CCDC15: variants seen among roughly 807,000 people sequenced by gnomAD.
CCDC15 encodes coiled-coil domain-containing protein 15.
Under a neutral mutation model 114.5 loss-of-function variants are expected in CCDC15, and 105 were observed. That is an observed-to-expected ratio of 0.92 (90% CI 0.78 to 1.08). CCDC15 has a LOEUF of 1.08. Among genes scored for constraint, CCDC15 ranks in the 50% least tolerant of loss-of-function variants. The pLI, the probability that CCDC15 is intolerant of heterozygous loss-of-function variation, is 0.00. For synonymous variants in CCDC15, 334 were observed against 377.8 expected (o/e 0.88, Z 1.34); for missense variants, 1,105 against 1,093.6 (o/e 1.01, Z -0.15).
intron 6 of CCDC15, 42 bp from the exon 7 acceptor site, chr11:124,986,700 T>TGTGCGCGCGCGCGCGC (rs878887902): frequency 1.5e-6 from 2 of 1,298,020 alleles, no homozygotes; most frequent in African/African-American, 3.3e-5. Context: ...TTTGTGTGTG[T>TGTGCGCGCGCGCGCGC]GCGCGCGCGC....
chr11:125,033,974 T>C (rs1397255086), intron 13 of CCDC15, among the ~76,000 whole-genome samples: 1 of 152,192 alleles, frequency 6.6e-6, no homozygotes, highest in Non-Finnish European at 1.5e-5. Flanking sequence ...ATGGCCACAC[T>C]CTGAACCTCA....
chr11:125,022,169 A>G (rs1271343324), intron 13 of CCDC15, among the ~76,000 whole-genome samples: 1 of 151,930 alleles, frequency 6.6e-6, no homozygotes, highest in Non-Finnish European at 1.5e-5. Context: ...GCAAGATGAC[A>G]TATATTTTAA....
At chr11:125,005,441 G>C (rs529703034) in intron 13 of CCDC15, among the ~76,000 whole-genome samples, 2 of 152,132 alleles carry the variant, frequency 1.3e-5, no homozygotes, top group South Asian at 4.2e-4. Flanking sequence ...CAGCAAAATT[G>C]AGCAGAAAGT....
chr11:125,005,252 A>T, intron 13 of CCDC15, 40 bp downstream of exon 13: 1 of 906,484 alleles, frequency 1.1e-6, no homozygotes, highest in African/African-American at 1.7e-5. Context: ...TAAATTGCCA[A>T]TTAAGATGTT....
At chr11:124,958,349 A>C (rs902026563) in intron 2 of CCDC15, among the ~76,000 whole-genome samples, 2 of 149,564 alleles carry the variant, frequency 1.3e-5, no homozygotes, top group South Asian at 2.1e-4. Context: ...CTTAATTAAC[A>C]CTATGAGTTT....
intron 13 of CCDC15, among the ~76,000 whole-genome samples, chr11:125,024,926 C>T (rs1484437109): frequency 6.7e-6 from 1 of 148,622 alleles, no homozygotes; most frequent in Non-Finnish European, 1.5e-5. Flanking sequence ...CTTTATCAGA[C>T]TGAGAAAGTG....
chr11:124,956,620 A>C (rs1947555492), intron 2 of CCDC15, among the ~76,000 whole-genome samples: 3 of 152,212 alleles, frequency 2.0e-5, no homozygotes, highest in Admixed American at 2.0e-4. Context: ...ACACCATCAA[A>C]CTTTTTCTAT....
intron 2 of CCDC15, 37 bp downstream of exon 2, chr11:124,954,946 C>G (rs750630959): frequency 6.3e-7 from 1 of 1,590,804 alleles, no homozygotes; most frequent in African/African-American, 1.3e-5. Flanking sequence ...GTGGGGTTCC[C>G]CACCACCCTT....
intron 10 of CCDC15, 117 bp from the exon 11 acceptor site, chr11:124,993,052 G>T (rs1350191338): frequency 4.7e-6 from 3 of 643,348 alleles, no homozygotes; most frequent in Non-Finnish European, 8.2e-6. Context: ...CTTTAACTGT[G>T]TTCTATTATC....
intron 15 of CCDC15, 25 bp from the exon 16 acceptor site, chr11:125,040,565 T>C (rs1245309012): frequency 2.5e-6 from 4 of 1,586,130 alleles, no homozygotes; most frequent in South Asian, 1.1e-5. Flanking sequence ...ACTTTATTCA[T>C]TGCTGTGCAA....
chr11:124,982,018 A>G (rs73619294), intron 6 of CCDC15, among the ~76,000 whole-genome samples: 2,568 of 152,174 alleles, frequency 0.017, 70 homozygotes, highest in African/African-American at 0.057. Context: ...TTCTTGTTCA[A>G]TTGAGCTTTT....
chr11:125,012,176 G>GTA (rs1355461525), intron 13 of CCDC15, among the ~76,000 whole-genome samples: 1 of 152,146 alleles, frequency 6.6e-6, no homozygotes, highest in African/African-American at 2.4e-5. Context: ...AGGGGCCTGG[G>GTA]TACCTGGAGC....
chr11:125,018,147 A>G (rs537224010), intron 13 of CCDC15, among the ~76,000 whole-genome samples: 1 of 152,260 alleles, frequency 6.6e-6, no homozygotes, highest in Admixed American at 6.5e-5. Context: ...TGACTCACCC[A>G]AAGCATCTTC....
chr11:125,016,761 C>T (rs1948631609), intron 13 of CCDC15, among the ~76,000 whole-genome samples: 1 of 152,192 alleles, frequency 6.6e-6, no homozygotes, highest in South Asian at 2.1e-4. Context: ...TATGTCTAAC[C>T]TAAATCTTCT....
chr11:125,003,822 T>G, intron 11 of CCDC15, 45 bp from the exon 12 acceptor site: 2 of 1,137,966 alleles, frequency 1.8e-6, no homozygotes, highest in Non-Finnish European at 1.3e-6. Context: ...CATGGGGTAG[T>G]TTTTGGTAAT....
chr11:124,997,836 G>A (rs956560644), intron 11 of CCDC15, among the ~76,000 whole-genome samples: 52 of 152,132 alleles, frequency 3.4e-4, no homozygotes, highest in African/African-American at 1.2e-3. Context: ...CAGCTACAGG[G>A]GTGGCTGAGG....
At chr11:124,997,355 A>G (rs1005091788) in intron 11 of CCDC15, among the ~76,000 whole-genome samples, 3 of 152,214 alleles carry the variant, frequency 2.0e-5, no homozygotes, top group Admixed American at 1.3e-4. Flanking sequence ...CAGTGGTACA[A>G]TCATAGCTCA....
At chr11:125,006,938 A>G (rs1174982072) in intron 13 of CCDC15, among the ~76,000 whole-genome samples, 1 of 152,194 alleles carries the variant, frequency 6.6e-6, no homozygotes, top group African/African-American at 2.4e-5. Flanking sequence ...CTTTACTTAC[A>G]TATTTTTATT....
intron 13 of CCDC15, among the ~76,000 whole-genome samples, chr11:125,014,601 T>G (rs1443700965): frequency 6.6e-6 from 1 of 151,950 alleles, no homozygotes; most frequent in African/African-American, 2.4e-5. Context: ...AATCTTAAAA[T>G]AAGAACTCAC....
Sources: gnomAD v4.1 joint callset for allele counts (sites outside exome capture counted in the v4.1 genomes callset) on GRCh38, gnomAD v4.1.1 for gene constraint, MANE v1.5 for transcripts, NCBI Gene and HGNC (gene_info 2026-07-23, HGNC 2026-07-21) for gene names.